STPG2: variants seen among roughly 807,000 people sequenced by gnomAD.
STPG2 encodes sperm-tail PG-rich repeat-containing protein 2.
Under a neutral mutation model 54.2 loss-of-function variants are expected in STPG2, and 56 were observed. That is an observed-to-expected ratio of 1.03 (90% CI 0.83 to 1.29). The LOEUF (loss-of-function observed/expected upper bound fraction) is 1.29, where lower values mean the gene tolerates loss of function less well. STPG2 is among the 50% of genes most tolerant of loss of function. STPG2 has a pLI of 0.00. For missense variants in STPG2, 596 were observed against 544.9 expected (o/e 1.09, Z -0.93); for synonymous variants, 200 against 181.8 (o/e 1.10, Z -0.81).
chr4:97,964,965 C>A (rs1269250704), intron 7 of STPG2, among the ~76,000 whole-genome samples: 1 of 152,128 alleles, frequency 6.6e-6, no homozygotes, highest in African/African-American at 2.4e-5. Context: ...ACTGAGGCAC[C>A]TGGTTCATCT....
At chr4:97,907,174 G>A (rs1731465047) in intron 8 of STPG2, among the ~76,000 whole-genome samples, 1 of 151,874 alleles carries the variant, frequency 6.6e-6, no homozygotes, top group Non-Finnish European at 1.5e-5. Context: ...CAAAGTCTCA[G>A]GATACAAAAT....
intron 5 of STPG2, among the ~76,000 whole-genome samples, chr4:98,008,449 T>C (rs1408933232): frequency 6.6e-6 from 1 of 150,478 alleles, no homozygotes; most frequent in East Asian, 1.9e-4. Flanking sequence ...CTCAAAGGAG[T>C]TCTAAACATG....
At chr4:98,062,707 C>G (rs1022833177) in intron 5 of STPG2, among the ~76,000 whole-genome samples, 2 of 151,834 alleles carry the variant, frequency 1.3e-5, no homozygotes, top group African/African-American at 4.8e-5. Context: ...GCAGTTTTTG[C>G]CGTTACTTTG....
chr4:98,000,019 A>T (rs1813251), intron 5 of STPG2, among the ~76,000 whole-genome samples: 64 of 151,926 alleles, frequency 4.2e-4, no homozygotes, highest in Non-Finnish European at 7.8e-4. Context: ...TATCCATTTT[A>T]ATACTATATT....
chr4:97,778,382 G>A (rs994738323), intron 9 of STPG2, among the ~76,000 whole-genome samples: 8 of 152,196 alleles, frequency 5.3e-5, no homozygotes, highest in Non-Finnish European at 1.2e-4. Flanking sequence ...CAGCGAGGCT[G>A]GGGGAGGGGC....
intron 10 of STPG2, among the ~76,000 whole-genome samples, chr4:97,642,168 A>T (rs547213316): frequency 1.6e-4 from 25 of 151,558 alleles, no homozygotes; most frequent in South Asian, 4.2e-4. Flanking sequence ...TTTTATAGGA[A>T]GATGGAAACT....
chr4:97,904,134 AC>A (rs1731297630), intron 8 of STPG2, among the ~76,000 whole-genome samples: 1 of 152,170 alleles, frequency 6.6e-6, no homozygotes, highest in South Asian at 2.1e-4. Context: ...TGTAGGCTCC[AC>A]CTCTGGGGGC....
At chr4:97,737,529 G>A (rs1725050498) in intron 9 of STPG2, among the ~76,000 whole-genome samples, 1 of 152,222 alleles carries the variant, frequency 6.6e-6, no homozygotes, top group Non-Finnish European at 1.5e-5. Flanking sequence ...AGCTGATGGA[G>A]CTGAAAGCCA....
chr4:97,913,450 A>C (rs1196346713), intron 8 of STPG2, among the ~76,000 whole-genome samples: 2 of 152,212 alleles, frequency 1.3e-5, no homozygotes, highest in African/African-American at 4.8e-5. Context: ...GACAAGTATG[A>C]ATATGTCTGA....
chr4:98,119,905 G>A (rs1246797800), intron 3 of STPG2, among the ~76,000 whole-genome samples: 2 of 152,112 alleles, frequency 1.3e-5, no homozygotes, highest in Non-Finnish European at 2.9e-5. Context: ...CCCTGCAAAG[G>A]ACATGACATT....
intron 8 of STPG2, among the ~76,000 whole-genome samples, chr4:97,938,653 C>G: frequency 6.6e-6 from 1 of 152,204 alleles, no homozygotes. Context: ...AAAAGCAGAG[C>G]TTCCCAGGCT....
chr4:97,615,814 T>C (rs987488686), intron 10 of STPG2, among the ~76,000 whole-genome samples: 2 of 150,992 alleles, frequency 1.3e-5, no homozygotes, highest in African/African-American at 4.9e-5. Flanking sequence ...AGACAGGTGA[T>C]CACTTAAGGT....
At chr4:97,955,534 G>C (rs1326178211) in intron 7 of STPG2, among the ~76,000 whole-genome samples, 1 of 152,112 alleles carries the variant, frequency 6.6e-6, no homozygotes, top group Non-Finnish European at 1.5e-5. Flanking sequence ...AGAATTCTAA[G>C]AGTGTTCGAG....
intron 10 of STPG2, among the ~76,000 whole-genome samples, chr4:97,666,803 T>C (rs561343355): frequency 2.6e-5 from 4 of 152,294 alleles, no homozygotes; most frequent in South Asian, 4.1e-4. Context: ...CATAAAGATA[T>C]TATTAGAGCT....
intron 5 of STPG2, among the ~76,000 whole-genome samples, chr4:98,044,599 T>C (rs1197296135): frequency 1.3e-5 from 2 of 152,204 alleles, no homozygotes; most frequent in Admixed American, 6.5e-5. Context: ...AGCTTTTCCA[T>C]ATCAGCTCAA....
intron 10 of STPG2, chr4:97,633,582 C>G (rs556251762): frequency 2.0e-5 from 3 of 152,048 alleles, no homozygotes; most frequent in African/African-American, 7.3e-5. Context: ...TCTGAGGTAC[C>G]GGGTTCATCT....
chr4:97,963,590 G>C (rs1165419536), intron 7 of STPG2, among the ~76,000 whole-genome samples: 2 of 152,062 alleles, frequency 1.3e-5, no homozygotes, highest in Non-Finnish European at 2.9e-5. Context: ...AGGAGGGCAA[G>C]GGTGCAGTGA....
At chr4:97,993,518 G>T (rs868351111) in intron 5 of STPG2, among the ~76,000 whole-genome samples, 1 of 151,540 alleles carries the variant, frequency 6.6e-6, no homozygotes, top group Middle Eastern at 3.4e-3. Context: ...TGTTCATCAG[G>T]GATATTGGTC....
chr4:98,005,045 G>A (rs1279935878), intron 5 of STPG2, among the ~76,000 whole-genome samples: 1 of 151,516 alleles, frequency 6.6e-6, no homozygotes, highest in African/African-American at 2.4e-5. Flanking sequence ...CTGTTTAGGG[G>A]ATAATAGCTA....
Sources: allele counts gnomAD v4.1 joint callset (sites outside exome capture counted in the v4.1 genomes callset), GRCh38; gene constraint gnomAD v4.1.1; transcripts MANE v1.5; gene names NCBI Gene and HGNC (gene_info 2026-07-23, HGNC 2026-07-21).